Variants in RAD51B observed in about 807,000 individuals in gnomAD.
RAD51B encodes DNA repair protein RAD51 homolog 2.
Under a neutral mutation model 42.2 loss-of-function variants are expected in RAD51B, and 38 were observed. The ratio of observed to expected loss-of-function variants is 0.90; its 90% CI spans 0.70 to 1.18. The LOEUF is 1.18. RAD51B is among the 50% of genes most tolerant of loss of function. The probability of loss-of-function intolerance (pLI) is 0.00; values close to 1 mark genes in which losing one functional copy is unlikely to be tolerated. For synonymous variants in RAD51B, 154 were observed against 145.2 expected (o/e 1.06, Z -0.43); for missense variants, 373 against 400.7 (o/e 0.93, Z 0.59).
chr14:68,273,596 A>G (rs994715138), intron 7 of RAD51B, among the ~76,000 whole-genome samples: 1 of 152,230 alleles, frequency 6.6e-6, no homozygotes, highest in Non-Finnish European at 1.5e-5. Flanking sequence ...CCACCTCTAC[A>G]GTGCAGATCT....
intron 10 of RAD51B, among the ~76,000 whole-genome samples, chr14:68,586,284 C>T (rs1424318179): frequency 8.5e-5 from 13 of 152,212 alleles, no homozygotes; most frequent in Non-Finnish European, 1.9e-4. Context: ...CAGTCTTCTT[C>T]CATGGTGCAC....
At chr14:68,376,946 C>G (rs970392949) in intron 8 of RAD51B, among the ~76,000 whole-genome samples, 1 of 152,122 alleles carries the variant, frequency 6.6e-6, no homozygotes, top group East Asian at 1.9e-4. Context: ...TTGAGTTCAG[C>G]TCCAATAAAG....
chr14:68,345,532 C>T (rs967146443), intron 8 of RAD51B, among the ~76,000 whole-genome samples: 1 of 152,156 alleles, frequency 6.6e-6, no homozygotes, highest in Admixed American at 6.5e-5. Context: ...GCTAGCTTCC[C>T]TTCACCTGCC....
intron 4 of RAD51B, among the ~76,000 whole-genome samples, chr14:67,859,920 G>C (rs1019617390): frequency 3.3e-5 from 5 of 151,884 alleles, no homozygotes; most frequent in Admixed American, 6.6e-5. Flanking sequence ...TCCCAGGTTC[G>C]TGCGATTCTC....
At chr14:68,644,033 C>G (rs1369464391) in intron 10 of RAD51B, among the ~76,000 whole-genome samples, 1 of 152,230 alleles carries the variant, frequency 6.6e-6, no homozygotes, top group African/African-American at 2.4e-5. Flanking sequence ...ATGCTCCCCA[C>G]TTACTGCCTC....
intron 10 of RAD51B, among the ~76,000 whole-genome samples, chr14:68,627,613 C>G (rs1378378245): frequency 6.6e-6 from 1 of 152,144 alleles, no homozygotes; most frequent in Non-Finnish European, 1.5e-5. Context: ...CACTTCTAAG[C>G]CTGCCGTTGG....
chr14:68,511,271 G>A (rs965835484), intron 10 of RAD51B, among the ~76,000 whole-genome samples: 5 of 152,208 alleles, frequency 3.3e-5, no homozygotes, highest in African/African-American at 1.2e-4. Context: ...ACAGGACAGA[G>A]CGCTTCTCTG....
intron 10 of RAD51B, among the ~76,000 whole-genome samples, chr14:68,538,524 T>C (rs1249464838): frequency 6.6e-6 from 1 of 152,224 alleles, no homozygotes; most frequent in Non-Finnish European, 1.5e-5. Context: ...TTTAAATATT[T>C]AGACATATGA....
intron 8 of RAD51B, among the ~76,000 whole-genome samples, chr14:68,398,835 C>T (rs1225485417): frequency 1.3e-5 from 2 of 152,190 alleles, no homozygotes; most frequent in South Asian, 2.1e-4. Context: ...GGTACATGGA[C>T]TGTCTGCGGG....
At chr14:68,070,351 C>T (rs939860804) in intron 7 of RAD51B, among the ~76,000 whole-genome samples, 3 of 152,120 alleles carry the variant, frequency 2.0e-5, no homozygotes, top group African/African-American at 7.2e-5. Flanking sequence ...GAAGTCTTTG[C>T]ATGGGCTGAT....
chr14:68,199,923 C>T (rs1362760555), intron 7 of RAD51B, among the ~76,000 whole-genome samples: 2 of 152,198 alleles, frequency 1.3e-5, no homozygotes, highest in Admixed American at 6.5e-5. Context: ...CCCAGCAACC[C>T]GCCAATCTCT....
At chr14:68,019,678 C>G (rs1566582801) in intron 7 of RAD51B, among the ~76,000 whole-genome samples, 1 of 152,060 alleles carries the variant, frequency 6.6e-6, no homozygotes, top group Non-Finnish European at 1.5e-5. Flanking sequence ...AGGAGTGGCC[C>G]TGGATCCAAT....
At chr14:68,497,543 A>G in intron 10 of RAD51B, 1 of 1,047,726 alleles carries the variant, frequency 9.5e-7, no homozygotes, top group Non-Finnish European at 1.2e-6. Flanking sequence ...GGTGAAATTT[A>G]TATAAGATGA....
At chr14:67,951,222 G>A (rs1230784618) in intron 7 of RAD51B, among the ~76,000 whole-genome samples, 3 of 152,178 alleles carry the variant, frequency 2.0e-5, no homozygotes, top group African/African-American at 7.2e-5. Context: ...GTACAGGTGA[G>A]GTATGCCTGT....
chr14:68,280,151 T>C (rs1176028288), intron 7 of RAD51B, among the ~76,000 whole-genome samples: 1 of 152,258 alleles, frequency 6.6e-6, no homozygotes, highest in Non-Finnish European at 1.5e-5. Flanking sequence ...TGGTTCCTCC[T>C]GCCTGAAGAC....
Position 68,422,851 on chromosome 14 carries a change from C to T in RAD51B, c.957+11324C>T, listed in dbSNP as rs557398227. The stretch of plus-strand genomic sequence containing the variant: ...ATAGTCACTCCTTCCTTCCTGTAAC[C>T]TTCACCTTACCTTGTTGTCCCCTCC... On this transcript the variant is annotated intron_variant, in intron 9 of 10. Coordinates refer to ENST00000471583, the MANE Select transcript of RAD51B (RefSeq NM_133510.4). Among the ~76,000 whole-genome samples, 10 of 152,268 alleles carry T rather than the reference C, an allele frequency of 6.6e-5. No homozygotes were observed. The East Asian group carries it at 1.5e-3, about 24-fold the overall frequency.
At chr14:68,515,537 C>G (rs1279919734) in intron 10 of RAD51B, among the ~76,000 whole-genome samples, 1 of 149,456 alleles carries the variant, frequency 6.7e-6, no homozygotes, top group Non-Finnish European at 1.5e-5. Context: ...TAGCCTCAAC[C>G]TCCTGGGATT....
chr14:68,167,413 A>G (rs2140845215), intron 7 of RAD51B, among the ~76,000 whole-genome samples: 1 of 152,296 alleles, frequency 6.6e-6, no homozygotes, highest in African/African-American at 2.4e-5. Flanking sequence ...CATAGTTCCT[A>G]TAAAACCTAT....
chr14:68,335,980 T>C (rs2139818796), intron 8 of RAD51B, among the ~76,000 whole-genome samples: 1 of 152,310 alleles, frequency 6.6e-6, no homozygotes, highest in South Asian at 2.1e-4. Context: ...ATACTTGCAT[T>C]GGTGTATATC....
Sources: allele counts gnomAD v4.1 joint callset (sites outside exome capture counted in the v4.1 genomes callset), GRCh38; gene constraint gnomAD v4.1.1; transcripts MANE v1.5; gene names NCBI Gene and HGNC (gene_info 2026-07-23, HGNC 2026-07-21).